Variants in B3GALT1 observed in about 807,000 individuals in gnomAD.
B3GALT1 encodes beta-1,3-galactosyltransferase 1, also known as UDP-Gal:betaGlcNAc beta 1,3-galactosyltransferase, polypeptide 1.
B3GALT1 carries 10 observed loss-of-function variants against 23.2 expected under a neutral mutation model. The observed-to-expected ratio is 0.43, with a 90% confidence interval of 0.27 to 0.73. B3GALT1 has a LOEUF of 0.73. Among genes scored for constraint, B3GALT1 ranks in the 30% least tolerant of loss-of-function variants. The probability of loss-of-function intolerance (pLI) is 0.21; values close to 1 mark genes in which losing one functional copy is unlikely to be tolerated. For synonymous variants in B3GALT1, 156 were observed against 141.5 expected (o/e 1.10, Z -0.73); for missense variants, 299 against 405.4 (o/e 0.74, Z 2.25).
intron 2 of B3GALT1, among the ~76,000 whole-genome samples, chr2:167,547,904 T>G (rs1309947897): frequency 6.6e-6 from 1 of 152,148 alleles, no homozygotes; most frequent in African/African-American, 2.4e-5. Flanking sequence ...TTCCACTGGC[T>G]ATGTGTAAAC....
intron 4 of B3GALT1, among the ~76,000 whole-genome samples, chr2:167,837,563 C>T (rs1189294168): frequency 6.6e-6 from 1 of 150,888 alleles, no homozygotes; most frequent in Non-Finnish European, 1.5e-5. Flanking sequence ...CTTAGACTCC[C>T]ACACATTAAT....
rs556867080 is a variant in B3GALT1 at position 167,373,873 on chromosome 2, A to C, written c.-511+80539A>C. Among the ~76,000 whole-genome samples, 3 of 152,124 alleles carry C rather than the reference A, an allele frequency of 2.0e-5. No homozygotes were observed. In the East Asian group the frequency reaches 5.8e-4, roughly 29 times the overall value. ...TGCCTCTGGTCCTTAACTTTTTCTT[A>C]TAGATTCAGGGGGTACATGTGTAGG... On this transcript the variant is annotated intron_variant, in intron 1 of 4. Coordinates refer to ENST00000392690, the MANE Select transcript of B3GALT1 (RefSeq NM_020981.4).
chr2:167,814,868 G>C (rs1688963971), intron 3 of B3GALT1: 1 of 152,218 alleles, frequency 6.6e-6, no homozygotes, highest in Non-Finnish European at 1.5e-5. Flanking sequence ...CAGCTTTCTA[G>C]GCAAGGGAAG....
intron 1 of B3GALT1, among the ~76,000 whole-genome samples, chr2:167,302,227 T>C (rs1367301443): frequency 6.6e-6 from 1 of 152,204 alleles, no homozygotes; most frequent in African/African-American, 2.4e-5. Context: ...AATGGTTAAA[T>C]GAAATATTAA....
intron 2 of B3GALT1, among the ~76,000 whole-genome samples, chr2:167,585,449 A>G (rs1684570614): frequency 1.3e-5 from 2 of 152,230 alleles, no homozygotes; most frequent in African/African-American, 4.8e-5. Flanking sequence ...GAAGATGCTC[A>G]CAGTCATTAC....
chr2:167,427,234 A>G (rs1698635803), intron 1 of B3GALT1, among the ~76,000 whole-genome samples: 1 of 152,218 alleles, frequency 6.6e-6, no homozygotes, highest in South Asian at 2.1e-4. Flanking sequence ...GGTTACTCCT[A>G]TGGGAAAGAA....
intron 1 of B3GALT1, among the ~76,000 whole-genome samples, chr2:167,307,563 G>T (rs764098880): frequency 1.2e-4 from 19 of 152,018 alleles, no homozygotes; most frequent in Admixed American, 7.9e-4. Context: ...AGTCATGGTG[G>T]ACAGTGAATG....
intron 1 of B3GALT1, among the ~76,000 whole-genome samples, chr2:167,327,601 A>T (rs57996548): frequency 0.012 from 1,745 of 151,278 alleles, 46 homozygotes; most frequent in African/African-American, 0.04. Context: ...GAATTTGTTT[A>T]TCAACTCTTA....
At chr2:167,761,733 G>A (rs1241844934) in intron 3 of B3GALT1, among the ~76,000 whole-genome samples, 2 of 152,296 alleles carry the variant, frequency 1.3e-5, no homozygotes, top group South Asian at 4.1e-4. Context: ...GAAGTTCACC[G>A]TGTAGAAATA....
At chr2:167,440,881 T>A (rs1297952753) in intron 1 of B3GALT1, among the ~76,000 whole-genome samples, 1 of 152,206 alleles carries the variant, frequency 6.6e-6, no homozygotes, top group Non-Finnish European at 1.5e-5. Context: ...TTAATCAATT[T>A]ATTTTCTCTT....
chr2:167,838,996 C>G (rs1262696056), intron 4 of B3GALT1, among the ~76,000 whole-genome samples: 8 of 152,222 alleles, frequency 5.3e-5, no homozygotes, highest in African/African-American at 1.9e-4. Context: ...GCTAAAAACT[C>G]TCAATAAATT....
At chr2:167,560,548 A>G (rs942065816) in intron 2 of B3GALT1, among the ~76,000 whole-genome samples, 4 of 152,242 alleles carry the variant, frequency 2.6e-5, no homozygotes, top group African/African-American at 9.6e-5. Flanking sequence ...AGCATGCTGT[A>G]TTCAGGAAAC....
chr2:167,691,522 C>A (rs984191170), intron 3 of B3GALT1, among the ~76,000 whole-genome samples: 3 of 152,052 alleles, frequency 2.0e-5, no homozygotes, highest in African/African-American at 7.2e-5. Context: ...AAAACTTATA[C>A]AAATGGTATT....
chr2:167,545,159 C>T lies in B3GALT1; in HGVS notation c.-410+54882C>T, dbSNP rs577381093. Among the ~76,000 whole-genome samples the T allele has an allele frequency of 1.5e-4, 22 of 150,528 alleles. 1 individual carries two copies. In the South Asian group the frequency reaches 3.8e-3, roughly 26 times the overall value. On this transcript the variant is annotated intron_variant, in intron 2 of 4. Transcript: ENST00000392690. ...ATGCCATTCTCCTGCCTCAGCCTCC[C>T]GAGTAGCTGGGACTACAGGTGCCCG... is the stretch of plus-strand genomic sequence containing the variant.
chr2:167,494,309 T>A (rs528662555), intron 2 of B3GALT1, among the ~76,000 whole-genome samples: 14 of 151,866 alleles, frequency 9.2e-5, no homozygotes, highest in Admixed American at 8.5e-4. Flanking sequence ...AAGATATCAG[T>A]TATGGGCGAC....
intron 3 of B3GALT1, among the ~76,000 whole-genome samples, chr2:167,648,228 T>A (rs1558936313): frequency 6.6e-6 from 1 of 152,164 alleles, no homozygotes; most frequent in Non-Finnish European, 1.5e-5. Flanking sequence ...CTTCTAAAAT[T>A]CTGCTCTTAT....
intron 4 of B3GALT1, among the ~76,000 whole-genome samples, chr2:167,849,070 G>T (rs1689818307): frequency 6.6e-6 from 1 of 152,184 alleles, no homozygotes. Flanking sequence ...ACTGCTGAAA[G>T]AAATCACAGA....
chr2:167,323,826 C>T (rs924472717), intron 1 of B3GALT1, among the ~76,000 whole-genome samples: 2 of 150,944 alleles, frequency 1.3e-5, no homozygotes, highest in African/African-American at 4.8e-5. Context: ...GCTTGGTAGA[C>T]ATTCAGAAAT....
At chr2:167,354,622 G>A (rs956750332) in intron 1 of B3GALT1, among the ~76,000 whole-genome samples, 4 of 152,154 alleles carry the variant, frequency 2.6e-5, no homozygotes, top group Non-Finnish European at 5.9e-5. Context: ...TGGGATTACA[G>A]GCGTGAGCCA....
Sources: gnomAD v4.1 joint callset for allele counts (sites outside exome capture counted in the v4.1 genomes callset) on GRCh38, gnomAD v4.1.1 for gene constraint, MANE v1.5 for transcripts, NCBI Gene and HGNC (gene_info 2026-07-23, HGNC 2026-07-21) for gene names.